NALF1: variants seen among roughly 807,000 people sequenced by gnomAD.
NALF1 encodes the protein NALCN channel auxiliary factor 1, also known as family with sequence similarity 155 member A.
Under a neutral mutation model 48.4 loss-of-function variants are expected in NALF1, and 3 were observed. The observed-to-expected ratio is 0.06, with a 90% CI of 0.03 to 0.16. The LOEUF (loss-of-function observed/expected upper bound fraction) is 0.16. Among genes scored for constraint, NALF1 ranks in the 10% least tolerant of loss-of-function variants. NALF1 has a pLI of 1.00. For synonymous variants in NALF1, 262 were observed against 245.7 expected (o/e 1.07, Z -0.62); for missense variants, 526 against 571.5 (o/e 0.92, Z 0.81).
At chr13:107,393,392 T>A (rs936698546) in intron 1 of NALF1, among the ~76,000 whole-genome samples, 10 of 152,126 alleles carry the variant, frequency 6.6e-5, no homozygotes, top group African/African-American at 2.4e-4. Flanking sequence ...TTTATCCAGA[T>A]TCTATACAAT....
chr13:107,306,623 T>C (rs1881941405), intron 1 of NALF1, among the ~76,000 whole-genome samples: 1 of 152,200 alleles, frequency 6.6e-6, no homozygotes, highest in South Asian at 2.1e-4. Context: ...AAAAAAATGT[T>C]ACCTGATATT....
chr13:107,378,987 C>T (rs1883386853), intron 1 of NALF1, among the ~76,000 whole-genome samples: 1 of 152,122 alleles, frequency 6.6e-6, no homozygotes, highest in Non-Finnish European at 1.5e-5. Flanking sequence ...AATTTGGACG[C>T]TTTTATTCTT....
At chr13:107,492,671 T>C (rs1488531131) in intron 1 of NALF1, among the ~76,000 whole-genome samples, 1 of 152,200 alleles carries the variant, frequency 6.6e-6, no homozygotes, top group Non-Finnish European at 1.5e-5. Flanking sequence ...AGTTTTGCAC[T>C]GTCTGTAAAT....
intron 1 of NALF1, among the ~76,000 whole-genome samples, chr13:107,432,504 G>A (rs1466781770): frequency 6.6e-6 from 1 of 152,044 alleles, no homozygotes; most frequent in Non-Finnish European, 1.5e-5. Context: ...GAGTCTCCAG[G>A]GCAGGACCTA....
intron 1 of NALF1, among the ~76,000 whole-genome samples, chr13:107,793,674 A>G (rs1878319108): frequency 6.6e-6 from 1 of 152,184 alleles, no homozygotes; most frequent in Non-Finnish European, 1.5e-5. Context: ...TTAACATGTC[A>G]TAAGTTTGAG....
intron 1 of NALF1, among the ~76,000 whole-genome samples, chr13:107,473,994 G>A (rs868416093): frequency 2.0e-5 from 3 of 152,090 alleles, no homozygotes; most frequent in Admixed American, 2.0e-4. Flanking sequence ...CCCCACAGTC[G>A]TACACTGGGA....
At chr13:107,790,322 A>C (rs1216932795) in intron 1 of NALF1, among the ~76,000 whole-genome samples, 1 of 152,250 alleles carries the variant, frequency 6.6e-6, no homozygotes, top group African/African-American at 2.4e-5. Context: ...AGAATATGTC[A>C]AAATTAACTC....
chr13:107,793,853 T>A (rs181408783), intron 1 of NALF1, among the ~76,000 whole-genome samples: 2 of 152,280 alleles, frequency 1.3e-5, no homozygotes, highest in East Asian at 3.9e-4. Flanking sequence ...AAGTTTTTTT[T>A]TTTTATTTTA....
intron 1 of NALF1, among the ~76,000 whole-genome samples, chr13:107,828,800 G>A (rs185195271): frequency 1.3e-5 from 2 of 152,178 alleles, no homozygotes; most frequent in African/African-American, 2.4e-5. Context: ...AAAAACAGAT[G>A]TGGATTTGTA....
chr13:107,366,214 T>C (rs1883148902), intron 1 of NALF1, among the ~76,000 whole-genome samples: 2 of 152,218 alleles, frequency 1.3e-5, no homozygotes, highest in African/African-American at 4.8e-5. Flanking sequence ...CTGTGAAATC[T>C]AGATTTAAAT....
intron 1 of NALF1, among the ~76,000 whole-genome samples, chr13:107,253,785 C>T (rs920023077): frequency 2.6e-5 from 4 of 152,094 alleles, no homozygotes; most frequent in Admixed American, 1.3e-4. Flanking sequence ...CCCTTCACCT[C>T]ATCTGTTCCT....
intron 1 of NALF1, among the ~76,000 whole-genome samples, chr13:107,741,271 A>T (rs898804658): frequency 1.3e-5 from 2 of 152,222 alleles, no homozygotes; most frequent in African/African-American, 2.4e-5. Flanking sequence ...TTCCCCAAAT[A>T]GCAATGTAGC....
chr13:107,757,783 A>G (rs1162854487), intron 1 of NALF1, among the ~76,000 whole-genome samples: 1 of 152,186 alleles, frequency 6.6e-6, no homozygotes, highest in Non-Finnish European at 1.5e-5. Flanking sequence ...AGCATCTATC[A>G]AATGAATCCA....
intron 1 of NALF1, among the ~76,000 whole-genome samples, chr13:107,265,230 G>A (rs1179246463): frequency 6.6e-6 from 1 of 151,958 alleles, no homozygotes; most frequent in Admixed American, 6.6e-5. Context: ...TTTCTATTGA[G>A]TTGCTTGTCT....
chr13:107,684,788 A>G (rs1188659457), intron 1 of NALF1, among the ~76,000 whole-genome samples: 2 of 152,216 alleles, frequency 1.3e-5, no homozygotes, highest in Non-Finnish European at 2.9e-5. Flanking sequence ...ATGTTGACAA[A>G]TATCTTCAAT....
intron 2 of NALF1, among the ~76,000 whole-genome samples, chr13:107,202,519 T>C (rs1323889648): frequency 1.3e-5 from 2 of 151,798 alleles, no homozygotes; most frequent in Non-Finnish European, 2.9e-5. Context: ...AATTTATTTG[T>C]GTGTGTGTGT....
chr13:107,574,679 T>A (rs997756077), intron 1 of NALF1, among the ~76,000 whole-genome samples: 4 of 152,186 alleles, frequency 2.6e-5, no homozygotes, highest in Non-Finnish European at 5.9e-5. Flanking sequence ...GATCAAAGTC[T>A]TACAATCATA....
chr13:107,446,561 A>T (rs1203661166), intron 1 of NALF1, among the ~76,000 whole-genome samples: 2 of 152,174 alleles, frequency 1.3e-5, no homozygotes, highest in African/African-American at 2.4e-5. Flanking sequence ...TCATGGCAGC[A>T]TAGAATATTT....
intron 1 of NALF1, among the ~76,000 whole-genome samples, chr13:107,831,523 T>C (rs1254916840): frequency 6.6e-6 from 1 of 151,962 alleles, no homozygotes; most frequent in Non-Finnish European, 1.5e-5. Flanking sequence ...ACTATTTTTC[T>C]TAAAAAAAGA....
Sources: gnomAD v4.1 joint callset for allele counts (sites outside exome capture counted in the v4.1 genomes callset) on GRCh38, gnomAD v4.1.1 for gene constraint, MANE v1.5 for transcripts, NCBI Gene and HGNC (gene_info 2026-07-23, HGNC 2026-07-21) for gene names.